DCLK1: variants seen among roughly 807,000 people sequenced by gnomAD.
The protein encoded by DCLK1 is doublecortin like kinase 1, also known as serine/threonine-protein kinase DCLK1.
A neutral mutation model predicts 86.2 loss-of-function variants in DCLK1; 16 were observed. That is an observed-to-expected ratio of 0.19 (90% CI 0.13 to 0.28). The LOEUF (loss-of-function observed/expected upper bound fraction) is 0.28, where lower values mean the gene tolerates loss of function less well. Ranked by LOEUF, DCLK1 falls within the 10% of genes least tolerant of loss-of-function variation. The probability of loss-of-function intolerance (pLI) is 1.00; values close to 1 mark genes in which losing one functional copy is unlikely to be tolerated. For missense variants in DCLK1, 590 were observed against 940.2 expected, an observed-to-expected ratio of 0.63 and a Z score of 4.87; for synonymous variants, 369 against 370.5, an observed-to-expected ratio of 1.00 and a Z score of 0.05.
At chr13:35,829,949 C>T (rs1371737079) in intron 8 of DCLK1, among the ~76,000 whole-genome samples, 1 of 152,154 alleles carries the variant, frequency 6.6e-6, no homozygotes, top group Admixed American at 6.5e-5. Flanking sequence ...GGCAGAGAGG[C>T]CATGATGGGA....
chr13:35,780,184 A>G (rs2086501695), intron 16 of DCLK1, among the ~76,000 whole-genome samples: 1 of 152,184 alleles, frequency 6.6e-6, no homozygotes, highest in African/African-American at 2.4e-5. Flanking sequence ...AAATCCCCAG[A>G]CATCAAGCAA....
intron 3 of DCLK1, among the ~76,000 whole-genome samples, chr13:36,085,614 C>A (rs1388620753): frequency 6.6e-6 from 1 of 152,172 alleles, no homozygotes; most frequent in Non-Finnish European, 1.5e-5. Flanking sequence ...TATCAGAAAT[C>A]AAGCTTCTAA....
At chr13:36,072,594 C>T (rs531679579) in intron 3 of DCLK1, among the ~76,000 whole-genome samples, 2 of 152,348 alleles carry the variant, frequency 1.3e-5, no homozygotes, top group South Asian at 4.1e-4. Context: ...AGATCTCAAA[C>T]TTATCACATC....
At chr13:35,968,133 A>G (rs148114831) in intron 3 of DCLK1, among the ~76,000 whole-genome samples, 124 of 152,374 alleles carry the variant, frequency 8.1e-4, no homozygotes, top group African/African-American at 2.7e-3. Flanking sequence ...TGAGTCCATC[A>G]CAAAAGACAA....
At chr13:36,013,146 T>A in intron 3 of DCLK1, among the ~76,000 whole-genome samples, 1 of 140,602 alleles carries the variant, frequency 7.1e-6, no homozygotes, top group Admixed American at 7.3e-5. Flanking sequence ...TTTTTCAAAG[T>A]TTTCAACTTC....
chr13:35,988,550 T>A (rs918503857), intron 3 of DCLK1, among the ~76,000 whole-genome samples: 9 of 152,196 alleles, frequency 5.9e-5, no homozygotes, highest in African/African-American at 2.2e-4. Context: ...ATTATACCAT[T>A]TATGATCTAT....
rs74046721 is a variant in DCLK1, at chr13:36,075,204, C to T, written c.723+36665G>A. Reference sequence around the variant, plus strand: ...TGAAGGTGAAGAATATTTTCAGAATCATCTGCGTGGTTTTAAATTCCTTCC... The same window carrying T: ...TGAAGGTGAAGAATATTTTCAGAATTATCTGCGTGGTTTTAAATTCCTTCC... On this transcript the variant is annotated intron_variant, in intron 3 of 16. Transcript: ENST00000360631. 4.7e-3 allele frequency among the ~76,000 whole-genome samples: 721 copies of T among 152,316 alleles called. 8 individuals are homozygous for T. The highest frequency in any genetic ancestry group is 0.017 in the African/African-American group (701 of 41,568).
intron 5 of DCLK1, among the ~76,000 whole-genome samples, chr13:35,866,559 C>T (rs973132199): frequency 6.6e-6 from 1 of 150,918 alleles, no homozygotes; most frequent in African/African-American, 2.4e-5. Context: ...GTCAAGCCAT[C>T]CTGTATAGCT....
chr13:36,091,191 T>A (rs981876511), intron 3 of DCLK1, among the ~76,000 whole-genome samples: 2 of 152,160 alleles, frequency 1.3e-5, no homozygotes, highest in African/African-American at 4.8e-5. Flanking sequence ...TTTAGTTTCA[T>A]TAGATCCCAT....
chr13:35,894,150 A>C (rs74046130), intron 4 of DCLK1, among the ~76,000 whole-genome samples: 1,871 of 152,256 alleles, frequency 0.012, 30 homozygotes, highest in African/African-American at 0.042. Flanking sequence ...ACAAAAAAAA[A>C]ACAACCAAAC....
At chr13:35,847,887 T>G in intron 6 of DCLK1, 1 of 985,310 alleles carries the variant, frequency 1.0e-6, no homozygotes, top group Non-Finnish European at 1.2e-6. Flanking sequence ...TGTCTAGATT[T>G]TTCCCCCTGC....
intron 3 of DCLK1, among the ~76,000 whole-genome samples, chr13:35,976,461 A>C (rs530391146): frequency 7.3e-5 from 11 of 150,734 alleles, no homozygotes; most frequent in Admixed American, 4.0e-4. Flanking sequence ...AAGCCTGTGA[A>C]CTCGAGGCAG....
intron 4 of DCLK1, among the ~76,000 whole-genome samples, chr13:35,914,330 AAAATATATATATATATATACATATATAT>A: frequency 1.1e-5 from 1 of 91,952 alleles, no homozygotes; most frequent in East Asian, 2.9e-4. Context: ...AGAAAAAAAA[AAAATATATATATATATATACATATATAT>A]ATATATATAT....
At chr13:35,936,733 T>A (rs978614997) in intron 4 of DCLK1, among the ~76,000 whole-genome samples, 8 of 152,046 alleles carry the variant, frequency 5.3e-5, no homozygotes, top group East Asian at 1.9e-4. Context: ...GAGGTAAAGG[T>A]TGCATGAGTG....
chr13:35,790,362 A>C (rs2086690435), intron 16 of DCLK1, among the ~76,000 whole-genome samples: 1 of 152,156 alleles, frequency 6.6e-6, no homozygotes, highest in Non-Finnish European at 1.5e-5. Context: ...GATCTCCAGC[A>C]GGTAGTTAGG....
At chr13:36,120,604 CAT>C (rs1310742924) in intron 2 of DCLK1, among the ~76,000 whole-genome samples, 1 of 152,082 alleles carries the variant, frequency 6.6e-6, no homozygotes, top group Non-Finnish European at 1.5e-5. Flanking sequence ...TTAAATGACA[CAT>C]GACTGCCCTC....
At chr13:36,087,421 T>C (rs181250307) in intron 3 of DCLK1, among the ~76,000 whole-genome samples, 7 of 152,064 alleles carry the variant, frequency 4.6e-5, no homozygotes, top group Admixed American at 2.0e-4. Context: ...TGCAAAGGAG[T>C]CTGTGATCTT....
At chr13:35,843,418 A>G (rs1396523965) in intron 6 of DCLK1, among the ~76,000 whole-genome samples, 1 of 152,178 alleles carries the variant, frequency 6.6e-6, no homozygotes, top group East Asian at 1.9e-4. Context: ...AAGTGTAGCT[A>G]TTGAGCTTGG....
At chr13:36,063,220 T>C (rs1205411108) in intron 3 of DCLK1, among the ~76,000 whole-genome samples, 1 of 152,190 alleles carries the variant, frequency 6.6e-6, no homozygotes, top group African/African-American at 2.4e-5. Flanking sequence ...ACAAAGTGCC[T>C]TTGGGTTTGC....
Sources: gnomAD v4.1 joint callset for allele counts (sites outside exome capture counted in the v4.1 genomes callset) on GRCh38, gnomAD v4.1.1 for gene constraint, MANE v1.5 for transcripts, NCBI Gene and HGNC (gene_info 2026-07-23, HGNC 2026-07-21) for gene names.